Variants in NSDHL observed in about 807,000 individuals in gnomAD.
NSDHL encodes NAD(P) dependent 3-beta-hydroxysteroid dehydrogenase NSDHL.
Under a neutral mutation model 23.0 loss-of-function variants are expected in NSDHL, and 1 was observed. The ratio of observed to expected loss-of-function variants is 0.04; its 90% CI spans 0.02 to 0.21. The LOEUF (loss-of-function observed/expected upper bound fraction) is 0.21. Among genes scored for constraint, NSDHL ranks in the 10% least tolerant of loss-of-function variants. NSDHL has a pLI of 1.00. For missense variants in NSDHL, 237 were observed against 300.9 expected (o/e 0.79, Z 1.57); for synonymous variants, 128 against 121.1 (o/e 1.06, Z -0.37).
At chrX:152,842,160 G>C (rs909398053) in intron 1 of NSDHL, among the ~76,000 whole-genome samples, 16 of 112,306 alleles carry the variant, frequency 1.4e-4, no homozygotes, top group African/African-American at 2.3e-4. Flanking sequence ...AGTGATTAAT[G>C]CTGCTGTGAA....
chrX:152,862,758 T>G, intron 5 of NSDHL, 34 bp downstream of exon 5: 1 of 1,186,217 alleles, frequency 8.4e-7, no homozygotes, highest in Admixed American at 2.2e-5. Context: ...GTGAGCAGAC[T>G]GAAGGGTTTA....
At chrX:152,864,608 G>A (rs148947262) in intron 5 of NSDHL, among the ~76,000 whole-genome samples, 281 of 112,041 alleles carry the variant, frequency 2.5e-3, no homozygotes, top group African/African-American at 8.8e-3. Flanking sequence ...GTAACTCACC[G>A]GAAGCCTCCT....
At chrX:152,840,881 G>A (rs1602925254) in intron 1 of NSDHL, among the ~76,000 whole-genome samples, 1 of 113,435 alleles carries the variant, frequency 8.8e-6, no homozygotes, top group East Asian at 2.8e-4. Context: ...AGTTTCTGCT[G>A]CCTTTTGTTC....
chrX:152,843,131 T>C (rs1407595478), intron 1 of NSDHL, among the ~76,000 whole-genome samples: 1 of 112,054 alleles, frequency 8.9e-6, no homozygotes, highest in African/African-American at 3.3e-5. Flanking sequence ...TGCAAAGAAT[T>C]GTGTGATTAT....
intron 3 of NSDHL, among the ~76,000 whole-genome samples, chrX:152,850,976 A>G (rs1556846214): frequency 9.0e-6 from 1 of 111,526 alleles, no homozygotes; most frequent in East Asian, 2.8e-4. Context: ...CTTCCCATCT[A>G]TGGATTGGCC....
chrX:152,854,889 T>TAGAG (rs370112623), intron 3 of NSDHL, among the ~76,000 whole-genome samples: 3 of 102,228 alleles, frequency 2.9e-5, no homozygotes, highest in Admixed American at 1.1e-4. Flanking sequence ...TTATAGTCAG[T>TAGAG]AGAGAGAGAG....
chrX:152,832,426 A>G (rs1556843532), intron 1 of NSDHL, among the ~76,000 whole-genome samples: 1 of 111,786 alleles, frequency 8.9e-6, no homozygotes, highest in Non-Finnish European at 1.9e-5. Flanking sequence ...ATATTAGACA[A>G]CTGATGAGTA....
In NSDHL at chrX:152,850,376, G is replaced by A. The variant is rs782627712; in HGVS notation, c.220G>A (p.Asp74Asn). The A allele has an allele frequency of 8.3e-7, 1 of 1,210,957 alleles. No homozygotes were observed. The highest frequency in any genetic ancestry group is 3.0e-5 in the East Asian group (1 of 33,851). Residue 74 changes from aspartate (D) to asparagine (N), a missense_variant, in exon 3 of 8, where the codon GAT (aspartate) becomes AAT (asparagine). By Grantham distance (23) the Asp-to-Asn change is conservative. This residue lies in a region of NSDHL where 81 missense variants were observed against 103.3 expected (regional missense o/e 0.78). Transcript: ENST00000370274. ...TGTATTTGATATCCAGCAAGGGTTT[G>A]ATAATCCCCAGGTGCGGTTCTTTCT... ...VNVFDIQQGFDNPQVRFFLGD... is the reference protein window; with the variant it reads ...VNVFDIQQGFNNPQVRFFLGD...
rs782496682 is a variant in NSDHL, at chrX:152,840,928, G to T, written c.-43-5354G>T. Among the ~76,000 whole-genome samples, 5 of 113,412 alleles carry T rather than the reference G, an allele frequency of 4.4e-5. No individual in the cohort carries two copies. The South Asian group carries it at 1.8e-3, about 40-fold the overall frequency. On this transcript the variant is annotated intron_variant, in intron 1 of 7. Coordinates refer to ENST00000370274, the MANE Select transcript of NSDHL (RefSeq NM_015922.3). Reference sequence around the variant, plus strand: ...GCCCACAGAGGTGGAGTCTATAGAGGCAGTAGGCCTTGCTGAGCTGTGGTG... The same window carrying T: ...GCCCACAGAGGTGGAGTCTATAGAGTCAGTAGGCCTTGCTGAGCTGTGGTG...
chrX:152,855,972 T>G (rs1933438446), intron 3 of NSDHL, among the ~76,000 whole-genome samples: 1 of 112,747 alleles, frequency 8.9e-6, no homozygotes, highest in African/African-American at 3.2e-5. Context: ...ACTATGGATT[T>G]GGTTGAAATA....
At chrX:152,839,572 G>A (rs1933157334) in intron 1 of NSDHL, among the ~76,000 whole-genome samples, 1 of 112,133 alleles carries the variant, frequency 8.9e-6, no homozygotes, top group Non-Finnish European at 1.9e-5. Context: ...TAGTTTGGCT[G>A]GATATGAAAT....
intron 5 of NSDHL, among the ~76,000 whole-genome samples, chrX:152,865,541 G>A (rs1372028808): frequency 8.9e-6 from 1 of 112,913 alleles, no homozygotes; most frequent in Admixed American, 9.3e-5. Context: ...GCAAACCAGG[G>A]CCTTCTGATT....
chrX:152,842,229 A>T (rs972139361), intron 1 of NSDHL, among the ~76,000 whole-genome samples: 3 of 111,955 alleles, frequency 2.7e-5, no homozygotes, highest in Non-Finnish European at 5.6e-5. Flanking sequence ...GTATATGCCC[A>T]GACATGAAAT....
intron 3 of NSDHL, among the ~76,000 whole-genome samples, chrX:152,853,128 C>CGTGTGTGTGTGTGTGTGT (rs35307183): frequency 3.1e-4 from 30 of 97,154 alleles, no homozygotes; most frequent in African/African-American, 1.0e-3. Context: ...CTCTCAGGCA[C>CGTGTGTGTGTGTGTGTGT]GTGTGTGTGT....
rs1388535757 is a variant in NSDHL at position 152,839,586 on chromosome X, A to G, written c.-43-6696A>G. ...TTAGTTTGGCTGGATATGAAATTCTAGGTTGAAAATTCTTTTCTTTAAGAA... is the reference window on the plus strand; with the variant it reads ...TTAGTTTGGCTGGATATGAAATTCTGGGTTGAAAATTCTTTTCTTTAAGAA... On this transcript the variant is annotated intron_variant, in intron 1 of 7. Coordinates refer to ENST00000370274, the MANE Select transcript of NSDHL (RefSeq NM_015922.3). 7.1e-5 allele frequency among the ~76,000 whole-genome samples: 8 copies of G among 112,364 alleles called. No homozygotes were observed. The East Asian group carries it at 2.0e-3, about 27-fold the overall frequency.
intron 5 of NSDHL, among the ~76,000 whole-genome samples, chrX:152,864,485 T>C: frequency 8.9e-6 from 1 of 112,163 alleles, no homozygotes; most frequent in Non-Finnish European, 1.9e-5. Flanking sequence ...GCTGAGCCCA[T>C]CTAGGCTCAG....
chrX:152,869,482 C>G lies in NSDHL; in HGVS notation c.*366C>G. The stretch of plus-strand genomic sequence containing the variant: ...GGAAGCTACAACCCATTTGTTAGTT[C>G]TGATGGAGAACCATTTCCATGCAGA... On this transcript the variant is annotated 3_prime_UTR_variant, in exon 8 of 8. Transcript: ENST00000370274. 2 of 271,284 alleles carry G rather than the reference C, an allele frequency of 7.4e-6. No homozygotes were observed. Among genetic ancestry groups the G allele is most frequent in the Non-Finnish European group, 1.4e-5 (2 of 147,692 alleles). 22.4% of individuals were successfully genotyped at this position (271,284 alleles called of 1,213,427 possible). A position where few individuals can be genotyped will look rare whatever the true frequency, so the allele number is the denominator to read the frequency against.
In NSDHL at chrX:152,868,800, A is replaced by G. The variant is rs2125017354; in HGVS notation, c.806A>G (p.Asn269Ser). The change falls in exon 8 of 8, where the codon AAT (asparagine) becomes AGT (serine). Residue 269 changes from asparagine to serine, a missense_variant. By Grantham distance (46) the Asn-to-Ser change is conservative. Coordinates refer to ENST00000370274, the MANE Select transcript of NSDHL (RefSeq NM_015922.3). ...TLGGKAFHIT[N>S]DEPIPFWTFL... ...TCCCGCCAGGCATTTCACATCACCA[A>G]TGATGAGCCCATCCCTTTCTGGACA... 7 of 1,210,700 alleles carry G rather than the reference A, an allele frequency of 5.8e-6. No individual in the cohort carries two copies. Among genetic ancestry groups the G allele is most frequent in the Non-Finnish European group, 5.6e-6 (5 of 894,815 alleles).
At chrX:152,851,158 C>G (rs981672687) in intron 3 of NSDHL, among the ~76,000 whole-genome samples, 2 of 112,285 alleles carry the variant, frequency 1.8e-5, no homozygotes, top group South Asian at 7.4e-4. Context: ...TCAATTTTAC[C>G]TCCATATCCA....
Sources: allele counts gnomAD v4.1 joint callset (sites outside exome capture counted in the v4.1 genomes callset), GRCh38; gene constraint gnomAD v4.1.1; regional missense constraint gnomAD v4.1.1; transcripts MANE v1.5; gene names NCBI Gene and HGNC (gene_info 2026-07-23, HGNC 2026-07-21).